Variants in SLC10A7 observed in about 807,000 individuals in gnomAD.
The protein encoded by SLC10A7 is sodium/bile acid cotransporter 7.
A neutral mutation model predicts 43.2 loss-of-function variants in SLC10A7; 29 were observed. The observed-to-expected ratio is 0.67, with a 90% confidence interval of 0.50 to 0.92. The LOEUF (loss-of-function observed/expected upper bound fraction) is 0.92, where lower values mean the gene tolerates loss of function less well. Among genes scored for constraint, SLC10A7 ranks in the 40% least tolerant of loss-of-function variants. SLC10A7 has a pLI of 0.00. For synonymous variants in SLC10A7, 152 were observed against 144.8 expected, an observed-to-expected ratio of 1.05 and a Z score of -0.35; for missense variants, 295 against 403.2, an observed-to-expected ratio of 0.73 and a Z score of 2.30.
At chr4:146,448,425 G>C (rs1308480272) in intron 4 of SLC10A7, among the ~76,000 whole-genome samples, 1 of 151,934 alleles carries the variant, frequency 6.6e-6, no homozygotes, top group African/African-American at 2.4e-5. Flanking sequence ...ACATAAATAT[G>C]TCTCATCCCT....
intron 4 of SLC10A7, among the ~76,000 whole-genome samples, chr4:146,500,127 T>A (rs1296144163): frequency 6.6e-6 from 1 of 152,196 alleles, no homozygotes; most frequent in Admixed American, 6.5e-5. Context: ...CTACCTGACA[T>A]AATGAAATCT....
intron 4 of SLC10A7, among the ~76,000 whole-genome samples, chr4:146,491,863 T>A (rs1329920562): frequency 6.6e-6 from 1 of 152,270 alleles, no homozygotes; most frequent in East Asian, 1.9e-4. Flanking sequence ...TTCTTGGCCA[T>A]GAATAATCTG....
intron 5 of SLC10A7, among the ~76,000 whole-genome samples, chr4:146,428,674 TAC>T (rs1248743790): frequency 6.6e-6 from 1 of 152,116 alleles, no homozygotes; most frequent in Non-Finnish European, 1.5e-5. Context: ...TAGGATACTG[TAC>T]AGTTTCTTTT....
chr4:146,368,818 T>A (rs565607175), intron 5 of SLC10A7, among the ~76,000 whole-genome samples: 1 of 152,336 alleles, frequency 6.6e-6, no homozygotes, highest in South Asian at 2.1e-4. Context: ...AGACAACTCC[T>A]ACTAGTTAGT....
intron 9 of SLC10A7, among the ~76,000 whole-genome samples, chr4:146,291,480 A>G (rs1730439298): frequency 6.6e-6 from 1 of 152,182 alleles, no homozygotes. Flanking sequence ...CACTGCTCTG[A>G]CGCTTTTTCA....
chr4:146,324,407 G>A (rs936932558), intron 6 of SLC10A7, among the ~76,000 whole-genome samples: 5 of 152,162 alleles, frequency 3.3e-5, no homozygotes, highest in Non-Finnish European at 5.9e-5. Context: ...GGGTCTCAGA[G>A]ATTCCAGCCT....
chr4:146,259,565 C>T (rs570222446), intron 10 of SLC10A7, among the ~76,000 whole-genome samples: 1 of 152,294 alleles, frequency 6.6e-6, no homozygotes, highest in South Asian at 2.1e-4. Context: ...TGCATCACTG[C>T]ACTCCAGCCT....
chr4:146,505,677 C>T (rs550409285), intron 3 of SLC10A7, among the ~76,000 whole-genome samples: 4 of 152,280 alleles, frequency 2.6e-5, no homozygotes, highest in African/African-American at 9.6e-5. Flanking sequence ...ATTTCCAACT[C>T]AGTTCCATTT....
At chr4:146,421,249 T>A (rs539068794) in intron 5 of SLC10A7, among the ~76,000 whole-genome samples, 1 of 152,282 alleles carries the variant, frequency 6.6e-6, no homozygotes, top group South Asian at 2.1e-4. Context: ...GGTCCTTGCA[T>A]ACAGTAGTCA....
intron 4 of SLC10A7, among the ~76,000 whole-genome samples, chr4:146,469,879 G>A (rs987689236): frequency 1.3e-5 from 2 of 151,994 alleles, no homozygotes; most frequent in Non-Finnish European, 2.9e-5. Flanking sequence ...TGACCCTCCC[G>A]CCTCGGCCAC....
intron 4 of SLC10A7, among the ~76,000 whole-genome samples, chr4:146,489,510 T>C (rs1469027459): frequency 3.3e-5 from 5 of 152,216 alleles, no homozygotes; most frequent in Non-Finnish European, 5.9e-5. Flanking sequence ...AACTGACACA[T>C]AACACGTACT....
rs957050308 is a variant in SLC10A7, at chr4:146,499,816, C to T, written c.396+4033G>A. On this transcript the variant is annotated intron_variant, in intron 4 of 11. Coordinates refer to ENST00000335472, the MANE Select transcript of SLC10A7 (RefSeq NM_001029998.6). Reference sequence around the variant, plus strand: ...ATATTTCTAAATTCCACATTATTAACGTGGAACATTAATATAAACAATTTA... The same window carrying T: ...ATATTTCTAAATTCCACATTATTAATGTGGAACATTAATATAAACAATTTA... Among the ~76,000 whole-genome samples, 52 of 152,084 alleles carry T rather than the reference C, an allele frequency of 3.4e-4. 1 individual carries two copies. Among genetic ancestry groups the T allele is most frequent in the Non-Finnish European group, 1.0e-4 (7 of 68,020 alleles).
chr4:146,455,385 G>A (rs1012304530), intron 4 of SLC10A7, among the ~76,000 whole-genome samples: 2 of 151,742 alleles, frequency 1.3e-5, no homozygotes, highest in African/African-American at 4.8e-5. Flanking sequence ...AGAGGAATTG[G>A]CCAAGAATTC....
intron 5 of SLC10A7, among the ~76,000 whole-genome samples, chr4:146,331,024 A>G (rs577684538): frequency 1.3e-5 from 2 of 152,200 alleles, no homozygotes; most frequent in South Asian, 4.1e-4. Flanking sequence ...TTCTTCAGCT[A>G]TTTCCTCAGG....
chr4:146,480,372 C>A (rs1734365102), intron 4 of SLC10A7, among the ~76,000 whole-genome samples: 1 of 151,980 alleles, frequency 6.6e-6, no homozygotes. Context: ...AAATTACCCC[C>A]AAATAACAGT....
At chr4:146,519,949 A>G (rs566488342) in intron 1 of SLC10A7, among the ~76,000 whole-genome samples, 1 of 152,344 alleles carries the variant, frequency 6.6e-6, no homozygotes, top group Non-Finnish European at 1.5e-5. Flanking sequence ...ACAATAATGT[A>G]CCAAAATATT....
At chr4:146,408,419 G>T (rs1167580666) in intron 5 of SLC10A7, among the ~76,000 whole-genome samples, 1 of 151,984 alleles carries the variant, frequency 6.6e-6, no homozygotes, top group Non-Finnish European at 1.5e-5. Context: ...GCGTGGTGGT[G>T]CACACCTATA....
At chr4:146,267,858 G>A (rs1054918327) in intron 10 of SLC10A7, among the ~76,000 whole-genome samples, 1 of 152,164 alleles carries the variant, frequency 6.6e-6, no homozygotes, top group Middle Eastern at 3.2e-3. Flanking sequence ...TAAATAGAAA[G>A]CCAACAGCAG....
At chr4:146,291,145 T>C (rs953937712) in intron 9 of SLC10A7, among the ~76,000 whole-genome samples, 2 of 151,920 alleles carry the variant, frequency 1.3e-5, no homozygotes, top group Non-Finnish European at 2.9e-5. Context: ...ATAGGAGGAG[T>C]GGTTCTGATG....
Sources: gnomAD v4.1 joint callset for allele counts (sites outside exome capture counted in the v4.1 genomes callset) on GRCh38, gnomAD v4.1.1 for gene constraint, MANE v1.5 for transcripts, NCBI Gene and HGNC (gene_info 2026-07-23, HGNC 2026-07-21) for gene names.